The following SEC24D variants were observed in gnomAD, a reference collection of about 807,000 sequenced individuals.
The protein encoded by SEC24D is SEC24 homolog D, COPII component, also known as protein transport protein Sec24D.
In SEC24D, 69 loss-of-function variants were observed where a neutral mutation model predicts 116.9. That is an observed-to-expected ratio of 0.59 (90% CI 0.49 to 0.72). The LOEUF (loss-of-function observed/expected upper bound fraction) is 0.72, where lower values mean the gene tolerates loss of function less well. Among genes scored for constraint, SEC24D ranks in the 30% least tolerant of loss-of-function variants. SEC24D has a pLI of 0.00. For synonymous variants in SEC24D, 405 were observed against 442.8 expected (o/e 0.91, Z 1.07); for missense variants, 1,131 against 1,264.1 (o/e 0.89, Z 1.60).
Position 118,777,092 on chromosome 4 carries a change from A to ATTATTTATTTATTTAT in SEC24D, c.1042-8797_1042-8782dup, listed in dbSNP as rs70944813. ...GATTTCCCTCTATGTGAAGGTCTGA[A>ATTATTTATTTATTTAT]TTATTTATTTATTTATTTATTTATT... On this transcript the variant is annotated intron_variant, in intron 8 of 22. Coordinates refer to ENST00000280551, the MANE Select transcript of SEC24D (RefSeq NM_014822.4). Among the ~76,000 whole-genome samples the ATTATTTATTTATTTAT allele has an allele frequency of 2.6e-3, 385 of 148,638 alleles. 2 individuals are homozygous for ATTATTTATTTATTTAT. The highest frequency in any genetic ancestry group is 9.9e-3 in the Admixed American group (147 of 14,818).
chr4:118,805,244 T>A (rs971487268), intron 7 of SEC24D, among the ~76,000 whole-genome samples: 6 of 152,202 alleles, frequency 3.9e-5, no homozygotes, highest in Non-Finnish European at 8.8e-5. Context: ...GTTATGCTTC[T>A]AGGATTGAGT....
rs1197512108 is a variant in SEC24D, at chr4:118,752,638, G to A, written c.1613+59C>T. On this transcript the variant is annotated intron_variant, in intron 12 of 22. Transcript: ENST00000280551. ...CAATGTATGATTGAATCAAAACACA[G>A]TGCAATTAAAGACAAAACACCTGAT... The A allele has an allele frequency of 5.1e-6, 6 of 1,174,562 alleles. No homozygotes were observed. The Admixed American group carries it at 1.2e-4, about 23-fold the overall frequency. The allele number at this position is 1,174,562 out of a possible 1,614,324, so 72.8% of individuals were successfully genotyped here. A position where few individuals can be genotyped will look rare whatever the true frequency, so the allele number is the denominator to read the frequency against.
rs568533951 is a variant in SEC24D, at chr4:118,749,353, G to C, written c.1707+2643C>G. On this transcript the variant is annotated intron_variant, in intron 13 of 22. Coordinates refer to ENST00000280551, the MANE Select transcript of SEC24D (RefSeq NM_014822.4). ...TTCATGACAAATTAGCACAATTTTT[G>C]GTTAGTTTTTGTCTACTGTTTGCTT... Among the ~76,000 whole-genome samples the C allele has an allele frequency of 5.9e-5, 9 of 152,116 alleles. No homozygotes were observed. The East Asian group carries it at 1.5e-3, about 26-fold the overall frequency.
intron 15 of SEC24D, among the ~76,000 whole-genome samples, chr4:118,741,525 C>T (rs1726222999): frequency 6.6e-6 from 1 of 152,164 alleles, no homozygotes; most frequent in South Asian, 2.1e-4. Context: ...GAAAACTGTC[C>T]ACATTCCACA....
At chr4:118,834,432 AT>A (rs1414596692) in intron 1 of SEC24D, among the ~76,000 whole-genome samples, 13 of 152,234 alleles carry the variant, frequency 8.5e-5, no homozygotes, top group Admixed American at 8.5e-4. Flanking sequence ...AAAAAGTGTA[AT>A]TTTGTAAGTG....
intron 15 of SEC24D, 78 bp from the exon 16 acceptor site, chr4:118,741,115 G>T: frequency 1.5e-6 from 1 of 651,390 alleles, no homozygotes; most frequent in Non-Finnish European, 2.5e-6. Context: ...TTAATCCTGA[G>T]TTATAATAAT....
intron 8 of SEC24D, among the ~76,000 whole-genome samples, chr4:118,788,430 C>T (rs1460307967): frequency 1.3e-5 from 2 of 152,314 alleles, no homozygotes; most frequent in African/African-American, 4.8e-5. Flanking sequence ...CAGTGTTCCA[C>T]CATTTGGCTA....
chr4:118,744,245 G>C, intron 14 of SEC24D, 87 bp from the exon 15 acceptor site: 1 of 1,261,332 alleles, frequency 7.9e-7, no homozygotes, highest in East Asian at 2.6e-5. Context: ...AATTCTTATT[G>C]AATTTTCAAA....
chr4:118,746,593 T>C (rs942197900), intron 13 of SEC24D, among the ~76,000 whole-genome samples: 1 of 151,938 alleles, frequency 6.6e-6, no homozygotes, highest in Non-Finnish European at 1.5e-5. Flanking sequence ...GCACTGGAAG[T>C]TTTAGCCACA....
At position 118,740,672 on chromosome 4, in the gene SEC24D, G is replaced by A; in HGVS notation, c.2229C>T (p.Ala743=). The A allele has an allele frequency of 6.2e-7, 1 of 1,613,716 alleles. No individual in the cohort carries two copies. The highest frequency in any genetic ancestry group is 8.5e-7 in the Non-Finnish European group (1 of 1,179,752). Reference sequence around the variant, plus strand: ...ATACACTTTCAATCACCTGGATTAAGGCTCCACTGTCTTCACTGAGTTTGT... The same window carrying A: ...ATACACTTTCAATCACCTGGATTAAAGCTCCACTGTCTTCACTGAGTTTGT... ...HDDKLSEDSG[A]LIQCAVLYTT... The change falls in exon 17 of 23, where the codon GCC becomes GCT. Residue 743 remains alanine, a synonymous_variant. Transcript: ENST00000280551.
intron 8 of SEC24D, among the ~76,000 whole-genome samples, chr4:118,789,595 A>G (rs1296838926): frequency 6.6e-6 from 1 of 152,074 alleles, no homozygotes; most frequent in Non-Finnish European, 1.5e-5. Context: ...ATTTATTTTT[A>G]TTTTTTTGAG....
chr4:118,765,956 T>C (rs559122040), intron 9 of SEC24D, among the ~76,000 whole-genome samples: 8 of 152,328 alleles, frequency 5.3e-5, no homozygotes, highest in African/African-American at 1.9e-4. Context: ...TTCAACTTCT[T>C]GAAAAGATTA....
At chr4:118,801,261 C>CAA (rs773053407) in intron 7 of SEC24D, among the ~76,000 whole-genome samples, 20 of 100,446 alleles carry the variant, frequency 2.0e-4, no homozygotes, top group African/African-American at 4.6e-4. Flanking sequence ...GACTCCATCT[C>CAA]AAAAAAAAAA....
At chr4:118,810,074 CTGTGTGTGTGTGTGTGTGTGTGTGTGTG>C (rs71595321) in intron 6 of SEC24D, among the ~76,000 whole-genome samples, 1 of 38,592 alleles carries the variant, frequency 2.6e-5, no homozygotes, top group Non-Finnish European at 4.9e-5. Context: ...TCAGAGGTAG[CTGTGTGTGTGTGTGTGTGTGTGTGTGTG>C]TGTGTGTGTG....
chr4:118,833,082 C>A (rs1053391454), intron 2 of SEC24D, among the ~76,000 whole-genome samples: 4 of 152,150 alleles, frequency 2.6e-5, no homozygotes, highest in Non-Finnish European at 5.9e-5. Context: ...ATACATTCTA[C>A]CTAGCACAGC....
chr4:118,733,213 G>T, intron 19 of SEC24D: 1 of 210,918 alleles, frequency 4.7e-6, no homozygotes, highest in South Asian at 1.5e-4. Flanking sequence ...TGTGACCCTG[G>T]GCAAATTACT....
At position 118,757,142 on chromosome 4, in the gene SEC24D, G is replaced by C. The variant is rs80106021; in HGVS notation, c.1421+579C>G. On this transcript the variant is annotated intron_variant, in intron 11 of 22. Coordinates refer to ENST00000280551, the MANE Select transcript of SEC24D (RefSeq NM_014822.4). ...TCTGAAGTCTTGAGTAAGGTCTAAG[G>C]TATGTTCATCTGTTAGTTATTAGAA... is the stretch of plus-strand genomic sequence containing the variant. Among the ~76,000 whole-genome samples, 880 of 152,212 alleles carry C rather than the reference G, an allele frequency of 5.8e-3. 8 individuals are homozygous for C. Among genetic ancestry groups the C allele is most frequent in the African/African-American group, 0.02 (823 of 41,532 alleles).
At chr4:118,740,262 G>C (rs1473595425) in intron 17 of SEC24D, among the ~76,000 whole-genome samples, 3 of 152,152 alleles carry the variant, frequency 2.0e-5, no homozygotes, top group Non-Finnish European at 4.4e-5. Context: ...CTCCAGAACT[G>C]TGAGAAAATA....
intron 6 of SEC24D, among the ~76,000 whole-genome samples, chr4:118,808,665 G>C (rs1198140399): frequency 6.6e-6 from 1 of 152,272 alleles, no homozygotes; most frequent in African/African-American, 2.4e-5. Flanking sequence ...ACTGTGACTT[G>C]GTACCTGAAG....
Sources: allele counts gnomAD v4.1 joint callset (sites outside exome capture counted in the v4.1 genomes callset), GRCh38; gene constraint gnomAD v4.1.1; transcripts MANE v1.5; gene names NCBI Gene and HGNC (gene_info 2026-07-23, HGNC 2026-07-21).